The following GRIN3A variants were observed in gnomAD, a reference collection of about 807,000 sequenced individuals.
The protein encoded by GRIN3A is glutamate ionotropic receptor NMDA type subunit 3A.
GRIN3A carries 47 observed loss-of-function variants against 92.4 expected under a neutral mutation model. The ratio of observed to expected loss-of-function variants is 0.51; its 90% CI spans 0.40 to 0.65. The LOEUF (loss-of-function observed/expected upper bound fraction) is 0.65, where lower values mean the gene tolerates loss of function less well. GRIN3A is among the 30% of genes least tolerant of loss of function. The probability of loss-of-function intolerance (pLI) is 0.00; values close to 1 mark genes in which losing one functional copy is unlikely to be tolerated. For missense variants in GRIN3A, 1,324 were observed against 1,393.1 expected, an observed-to-expected ratio of 0.95 and a Z score of 0.79; for synonymous variants, 527 against 540.6, an observed-to-expected ratio of 0.97 and a Z score of 0.35.
intron 1 of GRIN3A, among the ~76,000 whole-genome samples, chr9:101,709,096 T>C (rs1829845545): frequency 6.6e-6 from 1 of 152,140 alleles, no homozygotes; most frequent in African/African-American, 2.4e-5. Flanking sequence ...TCTAACTCTT[T>C]GTTTTTTTTT....
chr9:101,573,941 A>C (rs1827794703), intron 8 of GRIN3A, among the ~76,000 whole-genome samples: 1 of 152,148 alleles, frequency 6.6e-6, no homozygotes, highest in Non-Finnish European at 1.5e-5. Flanking sequence ...TCTGAGCATC[A>C]ACCTGCTGAC....
At chr9:101,605,827 G>A (rs1828273661) in intron 6 of GRIN3A, among the ~76,000 whole-genome samples, 1 of 152,188 alleles carries the variant, frequency 6.6e-6, no homozygotes, top group Admixed American at 6.5e-5. Context: ...CAAGGTTAGA[G>A]CTTTCACTCT....
intron 3 of GRIN3A, among the ~76,000 whole-genome samples, chr9:101,641,786 T>C (rs933863772): frequency 7.1e-6 from 1 of 141,108 alleles, no homozygotes; most frequent in Non-Finnish European, 1.5e-5. Flanking sequence ...ATAATAACAA[T>C]AAAATTAAAA....
At position 101,573,280 on chromosome 9, in the gene GRIN3A, T is replaced by G; in HGVS notation, c.3242A>C (p.Glu1081Ala). ...SRNSVMQELS[E>A]LEKQIQVIRQ... Reference sequence around the variant, plus strand: ...GATCACCTGAATCTGCTTCTCGAGCTCTGAGAGTTCCTGCATCACTGAGTT... The same window carrying G: ...GATCACCTGAATCTGCTTCTCGAGCGCTGAGAGTTCCTGCATCACTGAGTT... Residue 1081 changes from glutamate to alanine, a missense_variant, in exon 9 of 9, where the codon GAG becomes GCG. Transcript: ENST00000361820. 1 of 1,614,076 alleles carries G rather than the reference T, an allele frequency of 6.2e-7. No individual in the cohort carries two copies. Among genetic ancestry groups the G allele is most frequent in the Middle Eastern group, 1.6e-4 (1 of 6,062 alleles).
In GRIN3A at chr9:101,737,917, G is replaced by A. The variant is rs1375771644; in HGVS notation, c.63C>T (p.Cys21=). ...TGGGCACCCCGGCCAGCACCAGTGC[G>A]CAGGGCGGCGGCAACAGCAGACAGA... ...SRVCLLLPPP[C]ALVLAGVPSS... Residue 21 remains cysteine, a synonymous_variant, in exon 1 of 9, where the codon TGC becomes TGT. Transcript: ENST00000361820. The A allele has an allele frequency of 6.5e-7, 1 of 1,536,484 alleles. No individual in the cohort carries two copies. Among genetic ancestry groups the A allele is most frequent in the Non-Finnish European group, 8.7e-7 (1 of 1,147,684 alleles).
At chr9:101,648,341 T>G (rs1828966074) in intron 3 of GRIN3A, among the ~76,000 whole-genome samples, 1 of 152,106 alleles carries the variant, frequency 6.6e-6, no homozygotes, top group African/African-American at 2.4e-5. Context: ...AATATGATTT[T>G]GATTTCTAAA....
chr9:101,697,613 A>G (rs2118994954), intron 1 of GRIN3A, among the ~76,000 whole-genome samples: 2 of 152,332 alleles, frequency 1.3e-5, no homozygotes, highest in South Asian at 4.1e-4. Context: ...CATTGCCTGC[A>G]TCCACTGAAG....
intron 1 of GRIN3A, among the ~76,000 whole-genome samples, chr9:101,687,915 A>G (rs1006259948): frequency 1.9e-4 from 29 of 152,296 alleles, no homozygotes; most frequent in African/African-American, 6.7e-4. Context: ...CACAAACTTC[A>G]TGGAAGAAGA....
In GRIN3A at chr9:101,623,839, A is replaced by G. The variant is rs74877747; in HGVS notation, c.2499-406T>C. 7.8e-3 allele frequency among the ~76,000 whole-genome samples: 1,181 copies of G among 152,356 alleles called. 19 individuals carry two copies. The highest frequency in any genetic ancestry group is 0.025 in the African/African-American group (1,047 of 41,580). ...TCACTCAGAATGACTGTGATATAAC[A>G]GATGAGGAAATTGAGGCTCAGAGGA... On this transcript the variant is annotated intron_variant, in intron 4 of 8. Coordinates refer to ENST00000361820, the MANE Select transcript of GRIN3A (RefSeq NM_133445.3).
chr9:101,620,693 C>G (rs2118864617), intron 5 of GRIN3A, among the ~76,000 whole-genome samples: 1 of 152,136 alleles, frequency 6.6e-6, no homozygotes, highest in South Asian at 2.1e-4. Context: ...TAGCATTGTA[C>G]TAGGCCCTGT....
chr9:101,594,380 T>C (rs765630257), intron 6 of GRIN3A: 3 of 1,558,030 alleles, frequency 1.9e-6, no homozygotes, highest in Non-Finnish European at 2.6e-6. Flanking sequence ...AAAGCAGAAG[T>C]TGTTGGGTGG....
rs770924269 is a variant in GRIN3A, at chr9:101,653,478, A to AT, written c.2352+16581dup. 5.3e-4 allele frequency among the ~76,000 whole-genome samples: 81 copies of AT among 151,974 alleles called. 1 individual carries two copies. The highest frequency in any genetic ancestry group is 5.2e-4 in the Admixed American group (8 of 15,256). On this transcript the variant is annotated intron_variant, in intron 3 of 8. Transcript: ENST00000361820. ...TCTGTTTTAAGTGTGTCCATTGTAA[A>AT]TTGCACATTGATGAAACTTCAAAAA...
intron 1 of GRIN3A, among the ~76,000 whole-genome samples, chr9:101,736,605 A>C (rs529758939): frequency 6.6e-6 from 1 of 152,272 alleles, no homozygotes; most frequent in South Asian, 2.1e-4. Context: ...ACAAAGAAAC[A>C]ATCCCCAAAT....
chr9:101,639,943 C>G (rs1828834206), intron 3 of GRIN3A, among the ~76,000 whole-genome samples: 1 of 152,126 alleles, frequency 6.6e-6, no homozygotes, highest in Non-Finnish European at 1.5e-5. Context: ...TAGGCTAGCT[C>G]TTGGGGTTAT....
chr9:101,684,808 A>G (rs1213679673), intron 2 of GRIN3A, among the ~76,000 whole-genome samples: 2 of 152,100 alleles, frequency 1.3e-5, no homozygotes, highest in African/African-American at 2.4e-5. Context: ...ATGCTAAGGA[A>G]CTCAATGTAG....
At chr9:101,608,249 C>T (rs1351574193) in intron 6 of GRIN3A, among the ~76,000 whole-genome samples, 3 of 152,096 alleles carry the variant, frequency 2.0e-5, no homozygotes, top group African/African-American at 7.2e-5. Flanking sequence ...ACTTTCCTCC[C>T]TTCTTCTCAT....
chr9:101,630,816 T>C (rs1006056853), intron 3 of GRIN3A, among the ~76,000 whole-genome samples: 1 of 152,208 alleles, frequency 6.6e-6, no homozygotes, highest in Non-Finnish European at 1.5e-5. Context: ...GCCCATCCTA[T>C]TTTCTGTAAC....
intron 6 of GRIN3A, among the ~76,000 whole-genome samples, chr9:101,581,861 A>G (rs1206850734): frequency 6.6e-6 from 1 of 152,216 alleles, no homozygotes; most frequent in African/African-American, 2.4e-5. Context: ...ATTATTTAGC[A>G]TTGAATATGT....
At chr9:101,701,062 G>A (rs547373732) in intron 1 of GRIN3A, among the ~76,000 whole-genome samples, 2 of 152,214 alleles carry the variant, frequency 1.3e-5, no homozygotes, top group African/African-American at 4.8e-5. Context: ...CAACTACCGC[G>A]AAACTTCTCC....
Sources: gnomAD v4.1 joint callset for allele counts (sites outside exome capture counted in the v4.1 genomes callset) on GRCh38, gnomAD v4.1.1 for gene constraint, MANE v1.5 for transcripts, NCBI Gene and HGNC (gene_info 2026-07-23, HGNC 2026-07-21) for gene names.